Variants in MINDY2 observed in about 807,000 individuals in gnomAD.
MINDY2 encodes ubiquitin carboxyl-terminal hydrolase MINDY-2.
A neutral mutation model predicts 68.2 loss-of-function variants in MINDY2; 52 were observed. That is an observed-to-expected ratio of 0.76 (90% confidence interval 0.61 to 0.96). The LOEUF is 0.96. Among genes scored for constraint, MINDY2 ranks in the 40% least tolerant of loss-of-function variants. The pLI is 0.00. For synonymous variants in MINDY2, 372 were observed against 303.0 expected, an observed-to-expected ratio of 1.23 and a Z score of -2.36; for missense variants, 881 against 773.4, an observed-to-expected ratio of 1.14 and a Z score of -1.65.
At chr15:58,816,773 T>C (rs978557964) in intron 4 of MINDY2, among the ~76,000 whole-genome samples, 1 of 152,058 alleles carries the variant, frequency 6.6e-6, no homozygotes, top group East Asian at 1.9e-4. Flanking sequence ...CACCGCAAAA[T>C]TCTATTCCAT....
intron 4 of MINDY2, among the ~76,000 whole-genome samples, chr15:58,818,734 G>A (rs1359284405): frequency 3.4e-5 from 5 of 148,174 alleles, no homozygotes; most frequent in African/African-American, 1.3e-4. Flanking sequence ...CCACCTCCCA[G>A]TTTCAAGTGA....
chr15:58,772,652 G>A (rs138857645), intron 1 of MINDY2, among the ~76,000 whole-genome samples: 3 of 152,228 alleles, frequency 2.0e-5, no homozygotes, highest in East Asian at 3.9e-4. Context: ...AAGTTTTCAT[G>A]GTTATATTTA....
chr15:58,802,765 G>A (rs1389478395), intron 3 of MINDY2, among the ~76,000 whole-genome samples: 1 of 152,074 alleles, frequency 6.6e-6, no homozygotes, highest in African/African-American at 2.4e-5. Flanking sequence ...GGAGAAAGTT[G>A]AACAAATGAT....
intron 6 of MINDY2, among the ~76,000 whole-genome samples, chr15:58,839,477 G>A (rs1399492759): frequency 1.3e-5 from 2 of 152,002 alleles, no homozygotes; most frequent in Non-Finnish European, 2.9e-5. Flanking sequence ...GATTACAGGT[G>A]CCTGCCACCA....
At chr15:58,783,780 C>T (rs761213511) in intron 1 of MINDY2, among the ~76,000 whole-genome samples, 15 of 151,886 alleles carry the variant, frequency 9.9e-5, no homozygotes, top group Admixed American at 4.6e-4. Context: ...CCCATCTGTA[C>T]AAAAAATACA....
chr15:58,775,859 A>ATT (rs544164455), intron 1 of MINDY2, among the ~76,000 whole-genome samples: 7,644 of 139,516 alleles, frequency 0.055, 761 homozygotes, highest in African/African-American at 0.19. Flanking sequence ...AAGAGGCTAA[A>ATT]TTTTTTTTTT....
At chr15:58,852,937 T>G (rs1379198338) in intron 8 of MINDY2, among the ~76,000 whole-genome samples, 94 of 28,724 alleles carry the variant, frequency 3.3e-3, no homozygotes, top group East Asian at 7.1e-3. Context: ...TTTTTTTTTT[T>G]TTTTTTTTTT....
At chr15:58,830,290 T>G (rs1434839876) in intron 5 of MINDY2, among the ~76,000 whole-genome samples, 1 of 152,198 alleles carries the variant, frequency 6.6e-6, no homozygotes, top group South Asian at 2.1e-4. Context: ...GTTTTATGTG[T>G]GTTTCTGTTA....
intron 2 of MINDY2, chr15:58,796,178 G>T: frequency 2.2e-6 from 1 of 455,378 alleles, no homozygotes; most frequent in Non-Finnish European, 4.4e-6. Flanking sequence ...TAAGGAGTAG[G>T]AAAAGGCTTA....
chr15:58,808,698 G>T (rs956520463), intron 3 of MINDY2, among the ~76,000 whole-genome samples: 1 of 152,082 alleles, frequency 6.6e-6, no homozygotes, highest in African/African-American at 2.4e-5. Context: ...TCTGCCTGCT[G>T]GGTTCATGCC....
At chr15:58,841,026 G>C in intron 6 of MINDY2, among the ~76,000 whole-genome samples, 1 of 150,162 alleles carries the variant, frequency 6.7e-6, no homozygotes. Context: ...CTGTCACCCA[G>C]GCTAGAGTGC....
chr15:58,827,273 G>A (rs1399811880), intron 5 of MINDY2, among the ~76,000 whole-genome samples: 1 of 152,052 alleles, frequency 6.6e-6, no homozygotes, highest in African/African-American at 2.4e-5. Flanking sequence ...TATGCTATTC[G>A]TTAATAATCT....
intron 1 of MINDY2, among the ~76,000 whole-genome samples, chr15:58,780,686 C>G (rs1462277447): frequency 6.6e-6 from 1 of 152,148 alleles, no homozygotes; most frequent in African/African-American, 2.4e-5. Flanking sequence ...TTTTAGCTCT[C>G]TGTACTTTAT....
At chr15:58,813,125 G>C (rs2030413935) in intron 4 of MINDY2, among the ~76,000 whole-genome samples, 1 of 152,176 alleles carries the variant, frequency 6.6e-6, no homozygotes, top group South Asian at 2.1e-4. Context: ...GCATCTATCA[G>C]TAGTTTGCTC....
intron 1 of MINDY2, among the ~76,000 whole-genome samples, chr15:58,778,308 CCTT>C (rs1253756184): frequency 1.3e-5 from 2 of 152,014 alleles, no homozygotes; most frequent in South Asian, 2.1e-4. Flanking sequence ...CATCTCCTTT[CCTT>C]CTTAACTCTT....
chr15:58,787,822 A>G (rs1220131383), intron 1 of MINDY2, 84 bp from the exon 2 acceptor site: 6 of 803,472 alleles, frequency 7.5e-6, no homozygotes, highest in African/African-American at 5.3e-5. Flanking sequence ...ATAATTAGAC[A>G]TAAGTATTTG....
intron 2 of MINDY2, among the ~76,000 whole-genome samples, chr15:58,800,693 G>T (rs1218663991): frequency 1.3e-5 from 2 of 150,212 alleles, no homozygotes; most frequent in Non-Finnish European, 3.0e-5. Flanking sequence ...GATTAGCCAG[G>T]TGTGGTGGTG....
At chr15:58,816,944 A>G (rs576377065) in intron 4 of MINDY2, among the ~76,000 whole-genome samples, 2 of 152,280 alleles carry the variant, frequency 1.3e-5, no homozygotes, top group South Asian at 2.1e-4. Flanking sequence ...AGCCTGGGCA[A>G]TATACTAAGG....
rs1377265232 is a variant in MINDY2, at chr15:58,858,624, T to C, written c.*4014T>C. Reference sequence around the variant, plus strand: ...GAACTGTCCTCAAATAGCTCATTTATTTAAGTTTTGTTAAAAAGCAAAAGC... The same window carrying C: ...GAACTGTCCTCAAATAGCTCATTTACTTAAGTTTTGTTAAAAAGCAAAAGC... On this transcript the variant is annotated 3_prime_UTR_variant, in exon 9 of 9. Coordinates refer to ENST00000559228, the MANE Select transcript of MINDY2 (RefSeq NM_001040450.3). The C allele has an allele frequency of 6.6e-5, 10 of 152,202 alleles. No individual in the cohort carries two copies. The highest frequency in any genetic ancestry group is 2.2e-4 in the African/African-American group (9 of 41,462). 9.4% of individuals were successfully genotyped at this position (152,202 alleles called of 1,614,324 possible).
Sources: allele counts gnomAD v4.1 joint callset (sites outside exome capture counted in the v4.1 genomes callset), GRCh38; gene constraint gnomAD v4.1.1; transcripts MANE v1.5; gene names NCBI Gene and HGNC (gene_info 2026-07-23, HGNC 2026-07-21).